Variants in VRK2 observed in about 807,000 individuals in gnomAD.
VRK2 encodes VRK serine/threonine kinase 2.
In VRK2, 60 loss-of-function variants were observed where a neutral mutation model predicts 57.6. That is an observed-to-expected ratio of 1.04 (90% CI 0.85 to 1.29). The LOEUF is 1.29. Ranked by LOEUF, VRK2 falls within the 50% of genes most tolerant of loss-of-function variation. VRK2 has a pLI of 0.00. For synonymous variants in VRK2, 231 were observed against 199.2 expected (o/e 1.16, Z -1.35); for missense variants, 705 against 588.1 (o/e 1.20, Z -2.06).
intron 1 of VRK2, among the ~76,000 whole-genome samples, chr2:57,913,466 TCTC>T (rs1445401637): frequency 6.6e-6 from 1 of 152,142 alleles, no homozygotes; most frequent in Non-Finnish European, 1.5e-5. Flanking sequence ...TGTATCTAAA[TCTC>T]CTTTTTCTGT....
chr2:58,142,105 A>T (rs529295152), intron 11 of VRK2, among the ~76,000 whole-genome samples: 29 of 152,102 alleles, frequency 1.9e-4, no homozygotes, highest in African/African-American at 7.0e-4. Context: ...CAGAAAAGGT[A>T]TACATAAATA....
intron 1 of VRK2, among the ~76,000 whole-genome samples, chr2:57,930,523 G>A (rs998673376): frequency 2.6e-5 from 4 of 152,102 alleles, no homozygotes; most frequent in African/African-American, 9.7e-5. Flanking sequence ...GTTAAAACCT[G>A]GTACTTTGAT....
intron 10 of VRK2, among the ~76,000 whole-genome samples, chr2:58,136,935 ATATAT>A (rs1175529361): frequency 7.3e-6 from 1 of 136,420 alleles, no homozygotes; most frequent in Non-Finnish European, 1.5e-5. Context: ...TATATATCAT[ATATAT>A]TATATATCAT....
In VRK2 at chr2:58,131,879, T is replaced by C. The variant is rs146023220; in HGVS notation, c.748T>C (p.Trp250Arg). ...MLRWLCGKLP[W>R]EQNLKDPVAV... is the part of the protein sequence containing the mutation. ...GCGGTGGTTGTGTGGGAAACTTCCCTGGGAACAGAACCTGAAGGACCCTGT... is the reference window on the plus strand; with the variant it reads ...GCGGTGGTTGTGTGGGAAACTTCCCCGGGAACAGAACCTGAAGGACCCTGT... Residue 250 changes from tryptophan (W) to arginine (R), a missense_variant, in exon 9 of 13, where the codon TGG becomes CGG. Trp to Arg is a moderately radical substitution (Grantham distance 101, BLOSUM62 -3). Coordinates refer to ENST00000340157, the MANE Select transcript of VRK2 (RefSeq NM_006296.7). The C allele has an allele frequency of 1.2e-6, 2 of 1,614,080 alleles. No individual in the cohort carries two copies. The highest frequency in any genetic ancestry group is 1.7e-5 in the Admixed American group (1 of 60,016).
At chr2:58,137,244 T>TAC (rs1680659352) in intron 10 of VRK2, among the ~76,000 whole-genome samples, 1 of 114,874 alleles carries the variant, frequency 8.7e-6, no homozygotes, top group Non-Finnish European at 1.8e-5. Flanking sequence ...ATATATATCA[T>TAC]ATATATGATA....
chr2:58,159,318 A>C, intron 12 of VRK2, 31 bp from the exon 13 acceptor site: 1 of 1,523,462 alleles, frequency 6.6e-7, no homozygotes, highest in Non-Finnish European at 8.9e-7. Flanking sequence ...CACGTCTAAC[A>C]AACTAAACTA....
chr2:58,116,678 T>A (rs1676552198), intron 7 of VRK2, among the ~76,000 whole-genome samples: 1 of 152,166 alleles, frequency 6.6e-6, no homozygotes. Flanking sequence ...TCAGACAGCA[T>A]CAGTCTTCAG....
At position 57,954,993 on chromosome 2, in the gene VRK2, T is replaced by C. The variant is rs185894616; in HGVS notation, c.-439+47154T>C. Among the ~76,000 whole-genome samples the C allele has an allele frequency of 4.1e-4, 63 of 152,258 alleles. No homozygotes were observed. In the East Asian group the frequency reaches 7.0e-3, roughly 17 times the overall value. Reference sequence around the variant, plus strand: ...CCCAATTAAGTATAAAGCATAGATATGGTGGACTATTAAAAAATGTTTATG... The same window carrying C: ...CCCAATTAAGTATAAAGCATAGATACGGTGGACTATTAAAAAATGTTTATG... On this transcript the variant is annotated intron_variant, in intron 1 of 15. Coordinates refer to the VRK2 transcript ENST00000417641.
intron 1 of VRK2, among the ~76,000 whole-genome samples, chr2:57,946,391 T>C (rs896579659): frequency 2.6e-5 from 4 of 151,990 alleles, no homozygotes; most frequent in African/African-American, 9.7e-5. Flanking sequence ...ATTGCACATA[T>C]TATGCAGCAA....
Position 57,933,076 on chromosome 2 carries a change from A to G in VRK2, c.-439+25237A>G, listed in dbSNP as rs560473664. On this transcript the variant is annotated intron_variant, in intron 1 of 15. Transcript: ENST00000417641. ...AGTCTTCTTAAACTTTATATGACTTATTTTGTGGACTACGATATGACCTAT... is the reference window on the plus strand; with the variant it reads ...AGTCTTCTTAAACTTTATATGACTTGTTTTGTGGACTACGATATGACCTAT... Among the ~76,000 whole-genome samples the G allele has an allele frequency of 3.1e-4, 47 of 152,046 alleles. 1 individual carries two copies. The South Asian group carries it at 6.4e-3, about 21-fold the overall frequency.
intron 2 of VRK2, among the ~76,000 whole-genome samples, chr2:58,069,957 TA>T (rs1669155781): frequency 6.6e-6 from 1 of 152,096 alleles, no homozygotes; most frequent in Non-Finnish European, 1.5e-5. Flanking sequence ...CCTTTTCTCA[TA>T]ATCTACCTGC....
intron 1 of VRK2, among the ~76,000 whole-genome samples, chr2:57,968,437 T>G (rs184346800): frequency 6.6e-6 from 1 of 152,104 alleles, no homozygotes; most frequent in African/African-American, 2.4e-5. Context: ...CATATTCTAA[T>G]GAAATGCTTG....
At chr2:57,987,570 A>G (rs1474298620) in intron 1 of VRK2, among the ~76,000 whole-genome samples, 1 of 152,212 alleles carries the variant, frequency 6.6e-6, no homozygotes, top group Non-Finnish European at 1.5e-5. Context: ...GCAAATTGTT[A>G]TAACCTCTTT....
At chr2:58,157,233 C>T (rs1432674981) in intron 12 of VRK2, among the ~76,000 whole-genome samples, 1 of 152,040 alleles carries the variant, frequency 6.6e-6, no homozygotes, top group Non-Finnish European at 1.5e-5. Flanking sequence ...ATTTTCATGG[C>T]CAGAGTGGAA....
At chr2:58,028,903 A>AATATAC in intron 2 of VRK2, among the ~76,000 whole-genome samples, 1 of 54,024 alleles carries the variant, frequency 1.9e-5, no homozygotes, top group Non-Finnish European at 3.5e-5. Flanking sequence ...TAAATAAATA[A>AATATAC]ATATATATAT....
At chr2:58,044,188 C>A (rs1021805915), upstream of VRK2, among the ~76,000 whole-genome samples, 1 of 152,050 alleles carries the variant, frequency 6.6e-6, no homozygotes, top group African/African-American at 2.4e-5. Flanking sequence ...GAATATTCTG[C>A]CATTCCTGGG....
chr2:58,041,162 A>T, intron 3 of VRK2: 1 of 726,458 alleles, frequency 1.4e-6, no homozygotes, highest in South Asian at 6.2e-5. Flanking sequence ...TAAGAATCAT[A>T]CCACTTTTGG....
chr2:57,957,547 C>T (rs1460178393), intron 1 of VRK2, among the ~76,000 whole-genome samples: 1 of 148,630 alleles, frequency 6.7e-6, no homozygotes, highest in Admixed American at 6.7e-5. Context: ...TATTTTCTAA[C>T]CAACAAAAGT....
intron 2 of VRK2, among the ~76,000 whole-genome samples, chr2:58,063,238 TTTG>T (rs1677621123): frequency 6.8e-6 from 1 of 147,738 alleles, no homozygotes; most frequent in African/African-American, 2.6e-5. Flanking sequence ...ATGTCACAGT[TTTG>T]TTTTTTTTTT....
Sources: allele counts gnomAD v4.1 joint callset (sites outside exome capture counted in the v4.1 genomes callset), GRCh38; gene constraint gnomAD v4.1.1; transcripts MANE v1.5; gene names NCBI Gene and HGNC (gene_info 2026-07-23, HGNC 2026-07-21).